The following SKAP1 variants were observed in gnomAD, a reference collection of about 807,000 sequenced individuals.
SKAP1 encodes src kinase-associated phosphoprotein 1.
SKAP1 carries 44 observed loss-of-function variants against 58.5 expected under a neutral mutation model. The observed-to-expected ratio is 0.75, with a 90% CI of 0.59 to 0.97. The LOEUF is 0.97. Among genes scored for constraint, SKAP1 ranks in the 50% least tolerant of loss-of-function variants. The pLI, the probability that SKAP1 is intolerant of heterozygous loss-of-function variation, is 0.00. For missense variants in SKAP1, 390 were observed against 435.2 expected (o/e 0.90, Z 0.92); for synonymous variants, 127 against 149.7 (o/e 0.85, Z 1.11).
chr17:48,342,990 A>T (rs1043796285), intron 4 of SKAP1, among the ~76,000 whole-genome samples: 2 of 152,198 alleles, frequency 1.3e-5, no homozygotes, highest in East Asian at 1.9e-4. Context: ...GTCTCAAAAA[A>T]AATAATAATA....
chr17:48,367,949 T>G (rs2067031125), intron 2 of SKAP1, among the ~76,000 whole-genome samples: 1 of 151,782 alleles, frequency 6.6e-6, no homozygotes, highest in Non-Finnish European at 1.5e-5. Context: ...ACAATAAAAA[T>G]TATATGTAGA....
At chr17:48,199,018 A>G (rs1312695850) in intron 4 of SKAP1, among the ~76,000 whole-genome samples, 2 of 152,214 alleles carry the variant, frequency 1.3e-5, no homozygotes, top group African/African-American at 4.8e-5. Flanking sequence ...TCACGATTAT[A>G]CATGCATCAC....
intron 2 of SKAP1, among the ~76,000 whole-genome samples, chr17:48,387,590 T>C (rs910285367): frequency 1.9e-4 from 29 of 152,354 alleles, no homozygotes; most frequent in African/African-American, 6.7e-4. Context: ...TAATATCCCC[T>C]GAACATGTTT....
chr17:48,217,197 A>C (rs1390831431), intron 4 of SKAP1, among the ~76,000 whole-genome samples: 3 of 152,096 alleles, frequency 2.0e-5, no homozygotes, highest in Non-Finnish European at 4.4e-5. Context: ...CAGGCCCCTT[A>C]AATCAGTTAC....
chr17:48,373,645 A>C (rs1598626496), intron 2 of SKAP1, among the ~76,000 whole-genome samples: 1 of 152,198 alleles, frequency 6.6e-6, no homozygotes, highest in Non-Finnish European at 1.5e-5. Context: ...TCCATAGTTT[A>C]GGCTTCAGGG....
At chr17:48,134,279 A>AT (rs963747163) in intron 12 of SKAP1, among the ~76,000 whole-genome samples, 17 of 150,946 alleles carry the variant, frequency 1.1e-4, no homozygotes, top group African/African-American at 3.2e-4. Context: ...GATAATTTCT[A>AT]TTTTTTTTTC....
intron 10 of SKAP1, among the ~76,000 whole-genome samples, chr17:48,163,432 C>T (rs1337179423): frequency 1.3e-5 from 2 of 152,122 alleles, no homozygotes; most frequent in Admixed American, 6.5e-5. Flanking sequence ...GATCTTCTAC[C>T]CGGAAAGGTT....
chr17:48,203,209 G>C (rs1162068093), intron 4 of SKAP1, among the ~76,000 whole-genome samples: 1 of 152,154 alleles, frequency 6.6e-6, no homozygotes, highest in Non-Finnish European at 1.5e-5. Flanking sequence ...CCGTGCACAG[G>C]GACACAGACA....
At chr17:48,412,104 C>T (rs187905371) in intron 1 of SKAP1, among the ~76,000 whole-genome samples, 4 of 152,284 alleles carry the variant, frequency 2.6e-5, no homozygotes, top group Non-Finnish European at 2.9e-5. Context: ...GTACTATCTG[C>T]TTAATTTTTC....
the SKAP1 span, among the ~76,000 whole-genome samples, chr17:48,439,180 G>T: frequency 6.6e-6 from 1 of 152,148 alleles, no homozygotes. Context: ...GTACTTTTTA[G>T]CATCTGCACT....
intron 4 of SKAP1, among the ~76,000 whole-genome samples, chr17:48,345,504 C>T (rs1226975258): frequency 5.9e-5 from 9 of 152,036 alleles, no homozygotes; most frequent in Non-Finnish European, 1.2e-4. Context: ...AAATGATCCA[C>T]AGAAAATTAA....
intron 3 of SKAP1, among the ~76,000 whole-genome samples, chr17:48,357,745 C>T (rs879686465): frequency 1.3e-5 from 2 of 152,030 alleles, no homozygotes; most frequent in Non-Finnish European, 2.9e-5. Context: ...AAAAAACCAC[C>T]CTACCAGTAG....
intron 11 of SKAP1, among the ~76,000 whole-genome samples, chr17:48,139,471 G>A (rs922661399): frequency 6.6e-6 from 1 of 152,124 alleles, no homozygotes; most frequent in African/African-American, 2.4e-5. Context: ...ATGAGCCACC[G>A]TGCCTGGCCC....
chr17:48,414,014 A>G (rs1201485031), intron 1 of SKAP1, among the ~76,000 whole-genome samples: 1 of 152,218 alleles, frequency 6.6e-6, no homozygotes, highest in Non-Finnish European at 1.5e-5. Context: ...ACAATGCTAC[A>G]TTGTCTAAAT....
intron 2 of SKAP1, among the ~76,000 whole-genome samples, chr17:48,369,025 T>A (rs1452503409): frequency 6.6e-6 from 1 of 152,106 alleles, no homozygotes. Context: ...CGCATGCCTG[T>A]AATCTCAGCT....
intron 9 of SKAP1, among the ~76,000 whole-genome samples, chr17:48,171,853 G>C (rs1252056033): frequency 6.6e-6 from 1 of 151,954 alleles, no homozygotes; most frequent in Non-Finnish European, 1.5e-5. Context: ...ATGAGGTCAG[G>C]AGTTGGAGAC....
At chr17:48,400,595 C>G (rs2067487310) in intron 1 of SKAP1, among the ~76,000 whole-genome samples, 1 of 151,554 alleles carries the variant, frequency 6.6e-6, no homozygotes, top group African/African-American at 2.4e-5. Context: ...ACAAAAAATA[C>G]AAAAATTAGC....
chr17:48,269,851 T>A (rs2065604232), intron 4 of SKAP1, among the ~76,000 whole-genome samples: 1 of 152,120 alleles, frequency 6.6e-6, no homozygotes, highest in South Asian at 2.1e-4. Context: ...CCCAGCACTT[T>A]GGGAGGCTGA....
intron 4 of SKAP1, among the ~76,000 whole-genome samples, chr17:48,309,881 GTCTTGGT>G (rs2066200636): frequency 6.6e-6 from 1 of 152,130 alleles, no homozygotes; most frequent in Non-Finnish European, 1.5e-5. Context: ...TGAAAATGTT[GTCTTGGT>G]ATGTTGGCCT....
Sources: gnomAD v4.1 joint callset for allele counts (sites outside exome capture counted in the v4.1 genomes callset) on GRCh38, gnomAD v4.1.1 for gene constraint, MANE v1.5 for transcripts, NCBI Gene and HGNC (gene_info 2026-07-23, HGNC 2026-07-21) for gene names.